GYPE: variants seen among roughly 807,000 people sequenced by gnomAD.
GYPE encodes glycophorin E (MNS blood group).
GYPE carries 8 observed loss-of-function variants against 11.6 expected under a neutral mutation model. The ratio of observed to expected loss-of-function variants is 0.69; its 90% CI spans 0.41 to 1.25. The LOEUF is 1.25. GYPE is among the 50% of genes most tolerant of loss of function. The pLI is 0.01. For synonymous variants in GYPE, 28 were observed against 29.6 expected (o/e 0.94, Z 0.18); for missense variants, 90 against 92.8 (o/e 0.97, Z 0.12).
At chr4:143,898,237 C>T (rs1220179331) in intron 1 of GYPE, among the ~76,000 whole-genome samples, 5 of 152,074 alleles carry the variant, frequency 3.3e-5, no homozygotes, top group South Asian at 2.1e-4. Flanking sequence ...ATTAACTGGG[C>T]GTGGTGGTGT....
At position 143,891,531 on chromosome 4, in the gene GYPE, T is replaced by G. The variant is rs1349916881; in HGVS notation, c.38-11022A>C. ...TTTTAGTAGAGATGGGGTTTCACTG[T>G]GTTAGCCAGGACGATCTTGATCTCC... On this transcript the variant is annotated intron_variant, in intron 1 of 3. Transcript: ENST00000358615. Among the ~76,000 whole-genome samples the G allele has an allele frequency of 2.0e-5, 3 of 152,016 alleles. No homozygotes were observed. The East Asian group carries it at 5.8e-4, about 29-fold the overall frequency.
chr4:143,902,231 T>A (rs953557906), intron 1 of GYPE, among the ~76,000 whole-genome samples: 2 of 151,424 alleles, frequency 1.3e-5, no homozygotes, highest in African/African-American at 4.9e-5. Context: ...AAGACACAGG[T>A]TTGGCTTTTA....
At chr4:143,900,145 C>T (rs1187316799) in intron 1 of GYPE, among the ~76,000 whole-genome samples, 1 of 151,500 alleles carries the variant, frequency 6.6e-6, no homozygotes, top group African/African-American at 2.4e-5. Context: ...CTAGAACCAA[C>T]ATTTCTCCAA....
intron 1 of GYPE, among the ~76,000 whole-genome samples, chr4:143,901,217 T>C (rs1744853522): frequency 1.3e-5 from 2 of 152,148 alleles, no homozygotes; most frequent in African/African-American, 4.8e-5. Flanking sequence ...AGCTTACATA[T>C]AATAATTTGG....
intron 3 of GYPE, among the ~76,000 whole-genome samples, chr4:143,876,342 GA>G (rs2149904061): frequency 6.6e-6 from 1 of 152,156 alleles, no homozygotes; most frequent in South Asian, 2.1e-4. Flanking sequence ...TCAAACTCCT[GA>G]GCTCAAACAA....
chr4:143,887,727 T>G (rs1744261407), intron 1 of GYPE, among the ~76,000 whole-genome samples: 1 of 150,160 alleles, frequency 6.7e-6, no homozygotes, highest in Non-Finnish European at 1.5e-5. Context: ...AAGAGTTTAA[T>G]GATTAAGTGG....
At chr4:143,894,130 G>T (rs1032183030) in intron 1 of GYPE, among the ~76,000 whole-genome samples, 1 of 151,820 alleles carries the variant, frequency 6.6e-6, no homozygotes, top group Admixed American at 6.6e-5. Context: ...CATTATTCAC[G>T]TAGTTCTCGA....
At chr4:143,901,642 T>G (rs574350979) in intron 1 of GYPE, among the ~76,000 whole-genome samples, 47 of 2,214 alleles carry the variant, frequency 0.021, no homozygotes, top group Admixed American at 0.028. Flanking sequence ...AAGGATTGGG[T>G]TTTTTTTTTG....
In GYPE at chr4:143,898,097, A is replaced by C. The variant is rs1431698556; in HGVS notation, c.37+7374T>G. ...ATTGAGTCAAAAGAGATAGGTTACA[A>C]CTGGTGCAATGGCTCATGCCTGTAA... On this transcript the variant is annotated intron_variant, in intron 1 of 3. Transcript: ENST00000358615. Among the ~76,000 whole-genome samples the C allele has an allele frequency of 3.9e-5, 6 of 152,120 alleles. No individual in the cohort carries two copies. In the East Asian group the frequency reaches 1.2e-3, roughly 29 times the overall value.
chr4:143,896,892 C>T (rs1744667828), intron 1 of GYPE, among the ~76,000 whole-genome samples: 1 of 151,514 alleles, frequency 6.6e-6, no homozygotes, highest in African/African-American at 2.4e-5. Flanking sequence ...TCATTCTCAG[C>T]AAACTATCGC....
chr4:143,882,074 A>G (rs939667753), intron 1 of GYPE, among the ~76,000 whole-genome samples: 5 of 152,104 alleles, frequency 3.3e-5, no homozygotes, highest in Non-Finnish European at 5.9e-5. Flanking sequence ...TAAACTGTCT[A>G]TGTTTTCTCT....
At chr4:143,889,263 C>T (rs1301342441) in intron 1 of GYPE, among the ~76,000 whole-genome samples, 1 of 151,986 alleles carries the variant, frequency 6.6e-6, no homozygotes, top group African/African-American at 2.4e-5. Flanking sequence ...CCACACTGTC[C>T]CAAACCATTG....
At chr4:143,876,683 A>T (rs1359311093) in intron 3 of GYPE, 63 bp downstream of exon 3, 4 of 804,650 alleles carry the variant, frequency 5.0e-6, no homozygotes, top group Non-Finnish European at 8.6e-6. Flanking sequence ...AACTCAGAGG[A>T]ATAAACCCTC....
At chr4:143,881,458 C>T (rs1228297358) in intron 1 of GYPE, among the ~76,000 whole-genome samples, 2 of 151,980 alleles carry the variant, frequency 1.3e-5, no homozygotes, top group African/African-American at 2.4e-5. Flanking sequence ...CTACAGTCAG[C>T]CTATGCAAGG....
intron 1 of GYPE, among the ~76,000 whole-genome samples, chr4:143,884,233 A>C: frequency 1.2e-5 from 1 of 81,822 alleles, no homozygotes; most frequent in Non-Finnish European, 2.7e-5. Flanking sequence ...TTGCCTAACT[A>C]CTGGCTTTTC....
At chr4:143,899,633 G>T (rs936728374) in intron 1 of GYPE, among the ~76,000 whole-genome samples, 2 of 150,528 alleles carry the variant, frequency 1.3e-5, no homozygotes, top group African/African-American at 4.9e-5. Context: ...CATATTCTTC[G>T]GATAGAATTG....
intron 1 of GYPE, among the ~76,000 whole-genome samples, chr4:143,889,561 C>G (rs1284451899): frequency 6.6e-6 from 1 of 152,186 alleles, no homozygotes; most frequent in South Asian, 2.1e-4. Flanking sequence ...GAGATAGGGT[C>G]TCACCATATT....
intron 3 of GYPE, among the ~76,000 whole-genome samples, chr4:143,876,344 G>C (rs1743808194): frequency 6.6e-6 from 1 of 152,168 alleles, no homozygotes; most frequent in South Asian, 2.1e-4. Flanking sequence ...AAACTCCTGA[G>C]CTCAAACAAT....
intron 1 of GYPE, among the ~76,000 whole-genome samples, chr4:143,899,540 T>G (rs1409681608): frequency 6.6e-6 from 1 of 152,116 alleles, no homozygotes; most frequent in Non-Finnish European, 1.5e-5. Flanking sequence ...AAGAACAAAG[T>G]TCAGTGAATC....
Sources: allele counts gnomAD v4.1 joint callset (sites outside exome capture counted in the v4.1 genomes callset), GRCh38; gene constraint gnomAD v4.1.1; transcripts MANE v1.5; gene names NCBI Gene and HGNC (gene_info 2026-07-23, HGNC 2026-07-21).